Variants in CADPS observed in about 807,000 individuals in gnomAD.
CADPS encodes calcium-dependent secretion activator 1.
CADPS carries 57 observed loss-of-function variants against 167.3 expected under a neutral mutation model. The ratio of observed to expected loss-of-function variants is 0.34; its 90% CI spans 0.28 to 0.42. The LOEUF (loss-of-function observed/expected upper bound fraction) is 0.42, where lower values mean the gene tolerates loss of function less well. CADPS is among the 20% of genes least tolerant of loss of function. The pLI is 1.00. For missense variants in CADPS, 1,414 were observed against 1,738.1 expected (o/e 0.81, Z 3.32); for synonymous variants, 676 against 635.3 (o/e 1.06, Z -0.96).
chr3:62,705,487 C>T (rs906851528), intron 3 of CADPS, among the ~76,000 whole-genome samples: 4 of 151,964 alleles, frequency 2.6e-5, no homozygotes, highest in African/African-American at 9.7e-5. Flanking sequence ...GAGGGTGTTG[C>T]CAAAGGAGAT....
chr3:62,731,160 G>T (rs993818136), intron 3 of CADPS, among the ~76,000 whole-genome samples: 4 of 152,134 alleles, frequency 2.6e-5, no homozygotes, highest in Non-Finnish European at 4.4e-5. Flanking sequence ...CTGAAGTTTT[G>T]ATTTTACTTT....
rs548588181 is a variant in CADPS at position 62,593,837 on chromosome 3, G to A, written c.1326-1089C>T. Among the ~76,000 whole-genome samples the A allele has an allele frequency of 9.9e-5, 15 of 152,276 alleles. No individual in the cohort carries two copies. In the South Asian group the frequency reaches 3.1e-3, roughly 32 times the overall value. On this transcript the variant is annotated intron_variant, in intron 6 of 29. Coordinates refer to ENST00000383710, the MANE Select transcript of CADPS (RefSeq NM_003716.4). Reference sequence around the variant, plus strand: ...TTAATTTTGCATCTTAGCAATCACTGGATTTAAGTTATTGATTTGTGTCAT... The same window carrying A: ...TTAATTTTGCATCTTAGCAATCACTAGATTTAAGTTATTGATTTGTGTCAT...
At chr3:62,728,968 T>C (rs1209153429) in intron 3 of CADPS, among the ~76,000 whole-genome samples, 1 of 151,988 alleles carries the variant, frequency 6.6e-6, no homozygotes, top group South Asian at 2.1e-4. Flanking sequence ...TCACAACTTT[T>C]CTCATCTATA....
chr3:62,862,690 C>T (rs1462200003), intron 1 of CADPS, among the ~76,000 whole-genome samples: 1 of 152,016 alleles, frequency 6.6e-6, no homozygotes, highest in African/African-American at 2.4e-5. Flanking sequence ...TGGGGTGGAC[C>T]CTCTAAAAGC....
chr3:62,518,236 C>T lies in CADPS; in HGVS notation c.2306G>A (p.Gly769Glu). 2 of 1,611,950 alleles carry T rather than the reference C, an allele frequency of 1.2e-6. No homozygotes were observed. The highest frequency in any genetic ancestry group is 1.7e-6 in the Non-Finnish European group (2 of 1,178,868). ...HVHGNRPDGI[G>E]TVTVEEKERF... The stretch of plus-strand genomic sequence containing the variant: ...TTCCTTTTCTTCAACAGTCACAGTT[C>T]CAATTCCATCAGGCCTGAAAGAAGA... Residue 769 changes from glycine to glutamate, a missense_variant, in exon 14 of 30, where the codon GGA becomes GAA. Coordinates refer to ENST00000383710, the MANE Select transcript of CADPS (RefSeq NM_003716.4).
At chr3:62,741,068 C>A (rs919127117) in intron 3 of CADPS, among the ~76,000 whole-genome samples, 1 of 152,132 alleles carries the variant, frequency 6.6e-6, no homozygotes, top group South Asian at 2.1e-4. Flanking sequence ...TCCAGAGAAC[C>A]AGCCCACCCT....
At chr3:62,713,184 T>C (rs150592443) in intron 3 of CADPS, among the ~76,000 whole-genome samples, 27 of 152,228 alleles carry the variant, frequency 1.8e-4, no homozygotes, top group Non-Finnish European at 2.5e-4. Flanking sequence ...TGTGAGATAA[T>C]GTGATGGGAG....
intron 10 of CADPS, 30 bp downstream of exon 10, chr3:62,557,375 G>A: frequency 2.0e-6 from 3 of 1,471,492 alleles, no homozygotes; most frequent in Non-Finnish European, 1.9e-6. Context: ...GAGGGTTTGT[G>A]GGCTCGTGGC....
At chr3:62,466,451 A>G in intron 24 of CADPS, 38 bp from the exon 25 acceptor site, 2 of 1,347,386 alleles carry the variant, frequency 1.5e-6, no homozygotes, top group Non-Finnish European at 2.1e-6. Context: ...CATGTTTGGG[A>G]GGTGATGGCA....
At chr3:62,765,819 C>T (rs1248639316) in intron 2 of CADPS, 52 bp downstream of exon 2, 1 of 1,229,140 alleles carries the variant, frequency 8.1e-7, no homozygotes, top group African/African-American at 1.5e-5. Context: ...CTCAGACTCC[C>T]CAGGCATAGG....
chr3:62,716,254 A>C (rs2084590124), intron 3 of CADPS, among the ~76,000 whole-genome samples: 1 of 151,964 alleles, frequency 6.6e-6, no homozygotes, highest in African/African-American at 2.4e-5. Flanking sequence ...AGGTTTCGCC[A>C]CGTTGGCCAG....
At chr3:62,710,966 G>C (rs1470878304) in intron 3 of CADPS, among the ~76,000 whole-genome samples, 1 of 152,010 alleles carries the variant, frequency 6.6e-6, no homozygotes, top group East Asian at 1.9e-4. Context: ...TGCTACCTTT[G>C]TGAGGTTTGT....
At chr3:62,561,205 C>G (rs2079098199) in intron 9 of CADPS, among the ~76,000 whole-genome samples, 2 of 151,422 alleles carry the variant, frequency 1.3e-5, no homozygotes. Flanking sequence ...GAATCAGAAT[C>G]TCAGGTCAGA....
intron 1 of CADPS, among the ~76,000 whole-genome samples, chr3:62,772,364 A>T (rs2089107504): frequency 6.6e-6 from 1 of 152,158 alleles, no homozygotes; most frequent in South Asian, 2.1e-4. Context: ...GATGCAGAAA[A>T]CTACTGGGGG....
intron 3 of CADPS, among the ~76,000 whole-genome samples, chr3:62,666,815 ACT>A (rs1465929439): frequency 6.6e-6 from 1 of 151,582 alleles, no homozygotes; most frequent in Non-Finnish European, 1.5e-5. Context: ...AGAGATGAAA[ACT>A]CTGTCCTGTT....
chr3:62,548,546 G>A (rs975924971), intron 11 of CADPS, among the ~76,000 whole-genome samples: 4 of 152,232 alleles, frequency 2.6e-5, no homozygotes, highest in African/African-American at 9.6e-5. Flanking sequence ...CAACAAGGGT[G>A]TTGCAAGGTG....
intron 6 of CADPS, among the ~76,000 whole-genome samples, chr3:62,616,824 C>G (rs2149396696): frequency 6.6e-6 from 1 of 152,232 alleles, no homozygotes; most frequent in African/African-American, 2.4e-5. Context: ...AGATACTTAT[C>G]ATATTATCTA....
At chr3:62,605,622 C>G (rs73092217) in intron 6 of CADPS, among the ~76,000 whole-genome samples, 21,791 of 152,206 alleles carry the variant, frequency 0.14, 1,748 homozygotes, top group Middle Eastern at 0.26. Flanking sequence ...GCTTCTACAT[C>G]CAGCTGTGCC....
At chr3:62,479,147 C>T (rs547279882) in intron 22 of CADPS, among the ~76,000 whole-genome samples, 1 of 152,308 alleles carries the variant, frequency 6.6e-6, no homozygotes, top group African/African-American at 2.4e-5. Context: ...AAAACCTGAG[C>T]TCTTTTACCA....
Sources: allele counts gnomAD v4.1 joint callset (sites outside exome capture counted in the v4.1 genomes callset), GRCh38; gene constraint gnomAD v4.1.1; transcripts MANE v1.5; gene names NCBI Gene and HGNC (gene_info 2026-07-23, HGNC 2026-07-21).